GRM1: variants seen among roughly 807,000 people sequenced by gnomAD.
The protein encoded by GRM1 is metabotropic glutamate receptor 1.
In GRM1, 33 loss-of-function variants were observed where a neutral mutation model predicts 90.9. The ratio of observed to expected loss-of-function variants is 0.36; its 90% CI spans 0.28 to 0.49. The LOEUF is 0.49. GRM1 is among the 20% of genes least tolerant of loss of function. The probability of loss-of-function intolerance (pLI) is 0.99; values close to 1 mark genes in which losing one functional copy is unlikely to be tolerated. For missense variants in GRM1, 1,190 were observed against 1,534.3 expected (o/e 0.78, Z 3.75); for synonymous variants, 700 against 613.2 (o/e 1.14, Z -2.09).
intron 2 of GRM1, among the ~76,000 whole-genome samples, chr6:146,286,775 A>G (rs1163150129): frequency 2.0e-5 from 3 of 152,236 alleles, no homozygotes; most frequent in Non-Finnish European, 1.5e-5. Context: ...ACAAGTTACA[A>G]AAGAACCACG....
rs560220977 is a variant in GRM1 at position 146,089,572 on chromosome 6, G to A, written c.700+59355G>A. Among the ~76,000 whole-genome samples, 12 of 152,092 alleles carry A rather than the reference G, an allele frequency of 7.9e-5. No individual in the cohort carries two copies. In the South Asian group the frequency reaches 1.5e-3, roughly 18 times the overall value. On this transcript the variant is annotated intron_variant, in intron 1 of 7. Coordinates refer to ENST00000282753, the MANE Select transcript of GRM1 (RefSeq NM_001278064.2). ...CCCAGATTTTATTTATTTTTGCCAC[G>A]GAAACAATACTGAAAAATATTTTTA...
intron 1 of GRM1, among the ~76,000 whole-genome samples, chr6:146,072,321 A>G (rs1187375841): frequency 6.6e-6 from 1 of 152,130 alleles, no homozygotes; most frequent in Non-Finnish European, 1.5e-5. Flanking sequence ...TTTTCTGCAA[A>G]ATGACCAAGA....
chr6:146,432,961 C>T (rs949019112), intron 7 of GRM1, among the ~76,000 whole-genome samples: 2 of 152,158 alleles, frequency 1.3e-5, no homozygotes, highest in African/African-American at 4.8e-5. Flanking sequence ...TAAGACTCTT[C>T]TTCACCAAGG....
intron 2 of GRM1, among the ~76,000 whole-genome samples, chr6:146,232,824 G>A (rs1583199039): frequency 6.6e-6 from 1 of 152,008 alleles, no homozygotes; most frequent in East Asian, 1.9e-4. Context: ...TCCAACATAT[G>A]AATTTTGATG....
intron 2 of GRM1, among the ~76,000 whole-genome samples, chr6:146,213,736 ATGG>A (rs1779764540): frequency 1.3e-5 from 2 of 152,046 alleles, no homozygotes; most frequent in Non-Finnish European, 2.9e-5. Context: ...AGATAGATAG[ATGG>A]ATGAAAGGAG....
chr6:146,421,507 A>G (rs1777991884), intron 7 of GRM1, among the ~76,000 whole-genome samples: 1 of 152,166 alleles, frequency 6.6e-6, no homozygotes, highest in Admixed American at 6.5e-5. Context: ...GCCAAGTGAC[A>G]ATACATACCA....
chr6:146,370,309 T>C (rs1427164808), intron 5 of GRM1, among the ~76,000 whole-genome samples: 1 of 152,040 alleles, frequency 6.6e-6, no homozygotes. Flanking sequence ...GTTTTCTCCA[T>C]AGCCTTTTTC....
At chr6:146,234,597 C>T (rs1277879011) in intron 2 of GRM1, among the ~76,000 whole-genome samples, 3 of 152,040 alleles carry the variant, frequency 2.0e-5, no homozygotes. Context: ...CAGGAAACTT[C>T]CACTTCTTTC....
chr6:146,140,244 T>C (rs1250994342), intron 1 of GRM1, among the ~76,000 whole-genome samples: 1 of 150,494 alleles, frequency 6.6e-6, no homozygotes, highest in Non-Finnish European at 1.5e-5. Context: ...TCTTGCTTTT[T>C]ATTTTTTGTA....
intron 3 of GRM1, among the ~76,000 whole-genome samples, chr6:146,317,341 A>G (rs906306161): frequency 6.6e-6 from 1 of 152,232 alleles, no homozygotes; most frequent in African/African-American, 2.4e-5. Flanking sequence ...AGCTCAGTTG[A>G]TAAAACTGCT....
rs1009061331 is a variant in GRM1, at chr6:146,399,112, G to A, written c.2073G>A (p.Lys691=). 3.7e-6 allele frequency: 6 copies of A among 1,614,008 alleles called. No homozygotes were observed. Among genetic ancestry groups the A allele is most frequent in the Non-Finnish European group, 5.1e-6 (6 of 1,180,038 alleles). The change falls in exon 7 of 8, where the codon AAG becomes AAA. Residue 691 remains lysine (K), a synonymous_variant. Transcript: ENST00000282753. The surrounding 1 kb of genome is among the most constrained non-coding windows in gnomAD (Gnocchi z 5.4). ...CACGCATCCTGGCTGGCAGCAAGAA[G>A]AAGATCTGCACCCGGAAGCCCAGGT... is the stretch of plus-strand genomic sequence containing the variant. ...RIARILAGSK[K]KICTRKPRFM... is the part of the protein sequence containing the mutation.
At chr6:146,336,163 T>A (rs1384202650) in intron 3 of GRM1, among the ~76,000 whole-genome samples, 1 of 151,768 alleles carries the variant, frequency 6.6e-6, no homozygotes, top group African/African-American at 2.4e-5. Flanking sequence ...GGATGTGGAG[T>A]GGGAGAGTTG....
At chr6:146,387,141 C>T in intron 6 of GRM1, 125 bp downstream of exon 6, 5 of 930,104 alleles carry the variant, frequency 5.4e-6, no homozygotes, top group Non-Finnish European at 8.9e-6. Context: ...ACTTTTTAGT[C>T]CTCATGTCAA....
chr6:146,059,591 C>T (rs1775594254), intron 1 of GRM1, among the ~76,000 whole-genome samples: 1 of 152,074 alleles, frequency 6.6e-6, no homozygotes, highest in Non-Finnish European at 1.5e-5. Flanking sequence ...ATCAGCCTGT[C>T]CTTTGAAGCT....
chr6:146,269,528 C>T (rs1782035964), intron 2 of GRM1, among the ~76,000 whole-genome samples: 2 of 152,146 alleles, frequency 1.3e-5, no homozygotes, highest in Admixed American at 1.3e-4. Context: ...TAGCAGGGGT[C>T]CCCAACCTCC....
chr6:146,369,538 T>C (rs1450389423), intron 5 of GRM1, among the ~76,000 whole-genome samples: 1 of 151,768 alleles, frequency 6.6e-6, no homozygotes, highest in Non-Finnish European at 1.5e-5. Flanking sequence ...TATTTGTTTC[T>C]CAATTTTTAA....
At chr6:146,313,516 G>A (rs1367232650) in intron 3 of GRM1, among the ~76,000 whole-genome samples, 4 of 152,146 alleles carry the variant, frequency 2.6e-5, no homozygotes, top group South Asian at 4.2e-4. Flanking sequence ...TAAAAGTGTC[G>A]CTTCTCATCA....
intron 2 of GRM1, among the ~76,000 whole-genome samples, chr6:146,251,528 G>A (rs1334801828): frequency 6.6e-6 from 1 of 152,198 alleles, no homozygotes; most frequent in African/African-American, 2.4e-5. Context: ...GGGCAGCCTT[G>A]CTATATATAT....
intron 2 of GRM1, among the ~76,000 whole-genome samples, chr6:146,165,335 G>A (rs1489474853): frequency 1.3e-5 from 2 of 151,966 alleles, no homozygotes; most frequent in Admixed American, 1.3e-4. Context: ...ATATACCACG[G>A]TGTTATGTTT....
Sources: allele counts gnomAD v4.1 joint callset (sites outside exome capture counted in the v4.1 genomes callset), GRCh38; gene constraint gnomAD v4.1.1; non-coding constraint Gnocchi (gnomAD v3.1); transcripts MANE v1.5; gene names NCBI Gene and HGNC (gene_info 2026-07-23, HGNC 2026-07-21).